SARNP: variants seen among roughly 807,000 people sequenced by gnomAD.
The protein encoded by SARNP is SAP domain containing ribonucleoprotein.
Under a neutral mutation model 38.1 loss-of-function variants are expected in SARNP, and 5 were observed. The ratio of observed to expected loss-of-function variants is 0.13; its 90% confidence interval spans 0.07 to 0.28. SARNP has a LOEUF of 0.28. Ranked by LOEUF, SARNP falls within the 10% of genes least tolerant of loss-of-function variation. The pLI is 1.00. For synonymous variants in SARNP, 84 were observed against 80.6 expected (o/e 1.04, Z -0.23); for missense variants, 180 against 243.9 (o/e 0.74, Z 1.75).
intron 4 of SARNP, among the ~76,000 whole-genome samples, chr12:55,796,655 G>A (rs915765042): frequency 2.0e-5 from 3 of 151,880 alleles, no homozygotes; most frequent in African/African-American, 4.8e-5. Flanking sequence ...CACCCACCTC[G>A]GCCTCCCAAA....
chr12:55,812,514 A>G (rs1281893910), intron 1 of SARNP, among the ~76,000 whole-genome samples: 1 of 152,236 alleles, frequency 6.6e-6, no homozygotes. Flanking sequence ...AGTCTTCATC[A>G]TCAGCTTTCA....
chr12:55,769,766 A>G (rs917607188), intron 9 of SARNP, among the ~76,000 whole-genome samples: 4 of 152,280 alleles, frequency 2.6e-5, no homozygotes, highest in Non-Finnish European at 5.9e-5. Flanking sequence ...TCGGTATTCA[A>G]TAAGTTACAT....
intron 9 of SARNP, among the ~76,000 whole-genome samples, chr12:55,775,549 C>CAA (rs1879156568): frequency 8.7e-6 from 1 of 114,658 alleles, no homozygotes; most frequent in African/African-American, 3.6e-5. Flanking sequence ...AAACAAAAAA[C>CAA]AAAAACAAAA....
At chr12:55,764,770 T>C (rs1437736590) in intron 9 of SARNP, among the ~76,000 whole-genome samples, 3 of 144,346 alleles carry the variant, frequency 2.1e-5, no homozygotes, top group African/African-American at 7.8e-5. Context: ...AGGCGGAGGT[T>C]GCAGGGAGCC....
At chr12:55,757,738 G>C (rs573633177) in intron 10 of SARNP, among the ~76,000 whole-genome samples, 185 bp from the exon 11 acceptor site, 1 of 152,280 alleles carries the variant, frequency 6.6e-6, no homozygotes, top group East Asian at 1.9e-4. Context: ...TTATCCAGTA[G>C]GAGCTGGAAA....
At chr12:55,790,642 C>T in intron 7 of SARNP, 50 bp from the exon 8 acceptor site, 1 of 1,428,254 alleles carries the variant, frequency 7.0e-7, no homozygotes, top group Non-Finnish European at 9.3e-7. Context: ...GTCATCAAAG[C>T]CAACAGTCTT....
At chr12:55,754,127 GA>G (rs1480172126), downstream of SARNP, 2 of 152,180 alleles carry the variant, frequency 1.3e-5, no homozygotes, top group Non-Finnish European at 2.9e-5. Context: ...ACTAAGGCTG[GA>G]AGTGGTTGAG....
At chr12:55,786,032 A>G (rs1879482497) in intron 9 of SARNP, among the ~76,000 whole-genome samples, 1 of 152,200 alleles carries the variant, frequency 6.6e-6, no homozygotes, top group African/African-American at 2.4e-5. Context: ...ATTTGCTCAA[A>G]GTCACAAAGT....
At position 55,817,693 on chromosome 12, in the gene SARNP, G is replaced by T; in HGVS notation, c.9C>A (p.Thr3=). ...TTAGCTTATGGAGCTCCACCGTCTCGGTCGCCATCTTGTTACCCCTCACTC... is the reference window on the plus strand; with the variant it reads ...TTAGCTTATGGAGCTCCACCGTCTCTGTCGCCATCTTGTTACCCCTCACTC... MA[T]ETVELHKLKL... is the part of the protein sequence containing the mutation. The change falls in exon 1 of 11, where the codon ACC becomes ACA. Residue 3 remains threonine, a synonymous_variant. Transcript: ENST00000336133. 6.2e-7 allele frequency: 1 copy of T among 1,612,976 alleles called. No homozygotes were observed. The highest frequency in any genetic ancestry group is 8.5e-7 in the Non-Finnish European group (1 of 1,179,562).
chr12:55,783,101 C>A (rs1592567041), intron 9 of SARNP, among the ~76,000 whole-genome samples: 1 of 151,904 alleles, frequency 6.6e-6, no homozygotes, highest in East Asian at 1.9e-4. Flanking sequence ...CAGAGTTAGA[C>A]CCTGTCTTAA....
chr12:55,765,692 G>A (rs1363078693), intron 9 of SARNP, among the ~76,000 whole-genome samples: 1 of 151,976 alleles, frequency 6.6e-6, no homozygotes. Flanking sequence ...GGAGATACAG[G>A]CAGAGCATCT....
chr12:55,759,743 C>T (rs1744102809), intron 10 of SARNP, among the ~76,000 whole-genome samples: 1 of 149,764 alleles, frequency 6.7e-6, no homozygotes, highest in Non-Finnish European at 1.5e-5. Flanking sequence ...GCCCGGCCGC[C>T]TTTTTCTTTT....
intron 4 of SARNP, among the ~76,000 whole-genome samples, chr12:55,798,047 G>C (rs775115159): frequency 1.3e-5 from 2 of 152,092 alleles, no homozygotes; most frequent in Non-Finnish European, 2.9e-5. Context: ...GTATTCACTT[G>C]ATCTTCTTTC....
At chr12:55,755,698 G>C (rs1878485500), downstream of SARNP, 1 of 152,048 alleles carries the variant, frequency 6.6e-6, no homozygotes, top group Non-Finnish European at 1.5e-5. Context: ...ACTATAATGA[G>C]ATAGGAAGGG....
At chr12:55,768,296 T>A (rs1478588126) in intron 9 of SARNP, among the ~76,000 whole-genome samples, 1 of 151,236 alleles carries the variant, frequency 6.6e-6, no homozygotes, top group Non-Finnish European at 1.5e-5. Flanking sequence ...CAGCTAATTT[T>A]TTTTTTAATT....
At chr12:55,794,312 G>C in intron 7 of SARNP, 47 bp downstream of exon 7, 2 of 1,519,436 alleles carry the variant, frequency 1.3e-6, no homozygotes, top group Non-Finnish European at 1.8e-6. Flanking sequence ...TACCAGAAAA[G>C]AAAGAATAAA....
downstream of SARNP, chr12:55,754,754 A>G (rs531505050): frequency 3.3e-5 from 5 of 152,256 alleles, no homozygotes; most frequent in Non-Finnish European, 7.3e-5. Context: ...TGAGAATATC[A>G]CTTAATTCAC....
intron 9 of SARNP, among the ~76,000 whole-genome samples, chr12:55,783,125 A>G (rs940265195): frequency 2.0e-5 from 3 of 152,014 alleles, no homozygotes; most frequent in East Asian, 3.9e-4. Flanking sequence ...AATAATAAAA[A>G]TGGTTTCCTA....
intron 9 of SARNP, among the ~76,000 whole-genome samples, chr12:55,783,586 G>GGGAGGAGGGA (rs1457353659): frequency 2.0e-5 from 3 of 152,040 alleles, no homozygotes; most frequent in Non-Finnish European, 4.4e-5. Context: ...GGAGGCTGGG[G>GGGAGGAGGGA]GGAGGTGGGA....
Sources: allele counts gnomAD v4.1 joint callset (sites outside exome capture counted in the v4.1 genomes callset), GRCh38; gene constraint gnomAD v4.1.1; transcripts MANE v1.5; gene names NCBI Gene and HGNC (gene_info 2026-07-23, HGNC 2026-07-21).